Variants in PCDHGB1 observed in about 807,000 individuals in gnomAD.
PCDHGB1 encodes the protein protocadherin gamma-B1.
A neutral mutation model predicts 56.6 loss-of-function variants in PCDHGB1; 34 were observed. The ratio of observed to expected loss-of-function variants is 0.60; its 90% CI spans 0.46 to 0.80. The LOEUF (loss-of-function observed/expected upper bound fraction) is 0.80, where lower values mean the gene tolerates loss of function less well. Among genes scored for constraint, PCDHGB1 ranks in the 30% least tolerant of loss-of-function variants. PCDHGB1 has a pLI of 0.00. For synonymous variants in PCDHGB1, 561 were observed against 505.9 expected, an observed-to-expected ratio of 1.11 and a Z score of -1.46; for missense variants, 1,278 against 1,204.6, an observed-to-expected ratio of 1.06 and a Z score of -0.90.
Position 141,491,965 on chromosome 5 carries a change from G to A in PCDHGB1, c.2410-2842G>A. 1 of 946,810 alleles carries A rather than the reference G, an allele frequency of 1.1e-6. No individual in the cohort carries two copies. Among genetic ancestry groups the A allele is most frequent in the Non-Finnish European group, 1.5e-6 (1 of 672,398 alleles). 58.7% of individuals were successfully genotyped at this position (946,810 alleles called of 1,614,324 possible). On this transcript the variant is annotated intron_variant, in intron 1 of 3. Coordinates refer to ENST00000523390, the MANE Select transcript of PCDHGB1 (RefSeq NM_018922.3). The surrounding 1 kb of genome is among the most constrained non-coding windows in gnomAD (Gnocchi z 6.9). ...CCCACCCCTACACTCAAAAAAGGCC[G>A]GGGCCTCCTTCGAGCTTCCGGTGAA...
intron 1 of PCDHGB1, chr5:141,370,714 A>C: frequency 6.2e-7 from 1 of 1,613,830 alleles, no homozygotes. Context: ...CTGGAATTTG[A>C]AATGGTTGCT....
chr5:141,435,745 A>T (rs2097777848), intron 1 of PCDHGB1, among the ~76,000 whole-genome samples: 1 of 152,184 alleles, frequency 6.6e-6, no homozygotes, highest in African/African-American at 2.4e-5. Context: ...TTTGAAAAGC[A>T]TTGCTTGATT....
chr5:141,369,299 CATT>C (rs1766146509), intron 1 of PCDHGB1, among the ~76,000 whole-genome samples: 1 of 152,112 alleles, frequency 6.6e-6, no homozygotes. Context: ...AATAACGCAT[CATT>C]GTTAGGCTAC....
In PCDHGB1 at chr5:141,372,730, ATCT is replaced by A. The variant is rs751345248; in HGVS notation, c.2409+20065_2409+20067del. On this transcript the variant is annotated intron_variant, in intron 1 of 3. Transcript: ENST00000523390. ...AAGGCTGAAAATGCTGCACCACAAG[ATCT>A]TCTATGTGATGAAGCCTCTTGGTTT... 33 of 1,613,530 alleles carry A rather than the reference ATCT, an allele frequency of 2.0e-5. No homozygotes were observed. In the East Asian group the frequency reaches 7.1e-4, roughly 35 times the overall value.
At chr5:141,388,685 G>A (rs2091454291) in intron 1 of PCDHGB1, 5 of 1,613,932 alleles carry the variant, frequency 3.1e-6, no homozygotes, top group East Asian at 2.2e-5. Flanking sequence ...TGACTGCCAC[G>A]GACCAGGATG....
At chr5:141,412,282 C>A (rs1017660848) in intron 1 of PCDHGB1, 1 of 152,186 alleles carries the variant, frequency 6.6e-6, no homozygotes, top group African/African-American at 2.4e-5. Flanking sequence ...ACTTCAAATT[C>A]TACGTATTTC....
At chr5:141,372,833 T>C (rs1317318812) in intron 1 of PCDHGB1, 6 of 1,538,022 alleles carry the variant, frequency 3.9e-6, no homozygotes, top group Non-Finnish European at 5.3e-6. Flanking sequence ...AACCTTTCCT[T>C]CCATAAATAT....
intron 1 of PCDHGB1, chr5:141,395,542 TTGTGTGTGTGTGTGTGTG>T (rs55729045): frequency 3.2e-4 from 55 of 172,630 alleles, no homozygotes; most frequent in Middle Eastern, 1.8e-3. Context: ...TTGCTATTGT[TTGTGTGTGTGTGTGTGTG>T]TGTGTGTGTG....
Position 141,414,991 on chromosome 5 carries a change from G to A in PCDHGB1, c.2409+62322G>A, listed in dbSNP as rs1162432290. ...GGTGGACAGAGACTCCGGCCAGAAC[G>A]CCTGGCTGTCCTACCGTCTGCTCAA... On this transcript the variant is annotated intron_variant, in intron 1 of 3. Transcript: ENST00000523390. 10 of 1,613,648 alleles carry A rather than the reference G, an allele frequency of 6.2e-6. No homozygotes were observed. The Admixed American group carries it at 1.2e-4, about 19-fold the overall frequency.
chr5:141,376,171 G>A (rs758847977), intron 1 of PCDHGB1: 1 of 1,614,096 alleles, frequency 6.2e-7, no homozygotes, highest in Non-Finnish European at 8.5e-7. Context: ...TGGTGGTGGC[G>A]GTGGCCGCGG....
intron 1 of PCDHGB1, among the ~76,000 whole-genome samples, chr5:141,396,957 T>C (rs1169025850): frequency 6.6e-6 from 1 of 152,214 alleles, no homozygotes; most frequent in East Asian, 1.9e-4. Flanking sequence ...AGAAAATCCT[T>C]ACTCTCCCTA....
chr5:141,508,507 TGGTCCAGCCCAACCTCAG>T (rs1377043623), intron 3 of PCDHGB1, among the ~76,000 whole-genome samples: 1 of 152,178 alleles, frequency 6.6e-6, no homozygotes, highest in Non-Finnish European at 1.5e-5. Flanking sequence ...CTCTCCCTCC[TGGTCCAGCCCAACCTCAG>T]GGCACCCCCC....
At chr5:141,468,409 A>G (rs183146641) in intron 1 of PCDHGB1, 1 of 152,230 alleles carries the variant, frequency 6.6e-6, no homozygotes, top group East Asian at 1.9e-4. Flanking sequence ...AACTAATAAT[A>G]AGTTAGATAG....
chr5:141,355,686 A>G, intron 1 of PCDHGB1: 1 of 1,613,980 alleles, frequency 6.2e-7, no homozygotes, highest in Non-Finnish European at 8.5e-7. Flanking sequence ...ATCCGGATGT[A>G]GGTGTAAACT....
At chr5:141,422,201 G>A in intron 1 of PCDHGB1, 1 of 1,562,386 alleles carries the variant, frequency 6.4e-7, no homozygotes, top group Non-Finnish European at 8.6e-7. Context: ...GGCCAAGATG[G>A]TGGAGGTCTC....
At chr5:141,358,446 A>G (rs931369328) in intron 1 of PCDHGB1, among the ~76,000 whole-genome samples, 3 of 152,192 alleles carry the variant, frequency 2.0e-5, no homozygotes, top group Non-Finnish European at 2.9e-5. Flanking sequence ...GGCAACGTCA[A>G]TTTAAGAATA....
intron 1 of PCDHGB1, chr5:141,390,147 G>C: frequency 6.2e-7 from 1 of 1,614,034 alleles, no homozygotes; most frequent in Non-Finnish European, 8.5e-7. Flanking sequence ...TCTATGTGTT[G>C]CACATACAGG....
chr5:141,492,303 G>A (rs969991314), intron 1 of PCDHGB1, among the ~76,000 whole-genome samples: 1 of 152,202 alleles, frequency 6.6e-6, no homozygotes, highest in African/African-American at 2.4e-5. Context: ...GCGGACGCAC[G>A]CACGCACTCC....
At chr5:141,379,981 C>T (rs968805615) in intron 1 of PCDHGB1, among the ~76,000 whole-genome samples, 16 of 135,132 alleles carry the variant, frequency 1.2e-4, no homozygotes, top group Non-Finnish European at 2.3e-4. Context: ...CTCACTGCAA[C>T]TTCCTCCTCC....
Sources: allele counts gnomAD v4.1 joint callset (sites outside exome capture counted in the v4.1 genomes callset), GRCh38; gene constraint gnomAD v4.1.1; non-coding constraint Gnocchi (gnomAD v3.1); transcripts MANE v1.5; gene names NCBI Gene and HGNC (gene_info 2026-07-23, HGNC 2026-07-21).